The following CSMD1 variants were observed in gnomAD, a reference collection of about 807,000 sequenced individuals.
The protein encoded by CSMD1 is CUB and Sushi multiple domains 1, also known as CUB and sushi domain-containing protein 1.
A neutral mutation model predicts 417.5 loss-of-function variants in CSMD1; 213 were observed. The observed-to-expected ratio is 0.51, with a 90% CI of 0.46 to 0.57. The LOEUF is 0.57. Among genes scored for constraint, CSMD1 ranks in the 20% least tolerant of loss-of-function variants. The pLI, the probability that CSMD1 is intolerant of heterozygous loss-of-function variation, is 0.00. For synonymous variants in CSMD1, 2,862 were observed against 1,736.8 expected, an observed-to-expected ratio of 1.65 and a Z score of -16.11; for missense variants, 6,923 against 4,529.7, an observed-to-expected ratio of 1.53 and a Z score of -15.17.
At chr8:4,559,625 C>G (rs1476059754) in intron 2 of CSMD1, among the ~76,000 whole-genome samples, 1 of 152,186 alleles carries the variant, frequency 6.6e-6, no homozygotes, top group Non-Finnish European at 1.5e-5. Context: ...CCTCTATAAC[C>G]AAGCATATAA....
At chr8:4,855,166 C>T (rs911615405) in intron 1 of CSMD1, among the ~76,000 whole-genome samples, 1 of 150,584 alleles carries the variant, frequency 6.6e-6, no homozygotes, top group African/African-American at 2.4e-5. Flanking sequence ...TGACACCTCA[C>T]ACGGCAGGGT....
At chr8:3,859,189 T>C (rs1328510093) in intron 5 of CSMD1, among the ~76,000 whole-genome samples, 3 of 152,182 alleles carry the variant, frequency 2.0e-5, no homozygotes, top group Non-Finnish European at 4.4e-5. Context: ...TCTCTAAATA[T>C]GTGCGTAGCA....
intron 3 of CSMD1, among the ~76,000 whole-genome samples, chr8:4,090,285 G>C (rs1038314583): frequency 1.4e-4 from 22 of 152,228 alleles, no homozygotes; most frequent in African/African-American, 5.3e-4. Context: ...TCTAATTAAG[G>C]AAAGTTAAAG....
chr8:4,103,887 T>A (rs375366895), intron 3 of CSMD1, among the ~76,000 whole-genome samples: 5 of 152,338 alleles, frequency 3.3e-5, no homozygotes, highest in African/African-American at 1.2e-4. Context: ...AGTTAATATT[T>A]GTTCTCTCCA....
chr8:3,465,582 C>T (rs958027936), intron 12 of CSMD1, among the ~76,000 whole-genome samples: 4 of 152,168 alleles, frequency 2.6e-5, no homozygotes, highest in East Asian at 1.9e-4. Context: ...TAGCAGAGAC[C>T]GTGAACATCT....
chr8:3,095,085 T>C (rs1049527397), intron 47 of CSMD1, among the ~76,000 whole-genome samples: 33 of 152,152 alleles, frequency 2.2e-4, no homozygotes, highest in Non-Finnish European at 2.9e-5. Context: ...GTGCATAAAT[T>C]ATTGATAAAT....
At chr8:4,110,636 A>AT (rs61146043) in intron 3 of CSMD1, among the ~76,000 whole-genome samples, 150,508 of 152,160 alleles carry the variant, frequency 0.99, 74,465 homozygotes, top group East Asian at 1. Context: ...TGATATATAC[A>AT]GGTGTGTGTG....
At chr8:4,573,960 G>C (rs542164545) in intron 2 of CSMD1, among the ~76,000 whole-genome samples, 1 of 152,276 alleles carries the variant, frequency 6.6e-6, no homozygotes, top group South Asian at 2.1e-4. Flanking sequence ...AGTAATGGCA[G>C]ACATCCCTCT....
chr8:3,998,366 G>A (rs1295088733), intron 4 of CSMD1, among the ~76,000 whole-genome samples: 1 of 152,174 alleles, frequency 6.6e-6, no homozygotes, highest in African/African-American at 2.4e-5. Flanking sequence ...CTGAAACATG[G>A]AAAGTGTAGT....
chr8:3,468,586 T>A (rs1406292455), intron 12 of CSMD1, 126 bp downstream of exon 12: 1 of 599,888 alleles, frequency 1.7e-6, no homozygotes, highest in African/African-American at 1.9e-5. Context: ...GAAGTTCCCG[T>A]CATGATTCCT....
At chr8:4,699,960 G>A (rs187492730) in intron 1 of CSMD1, among the ~76,000 whole-genome samples, 2 of 152,142 alleles carry the variant, frequency 1.3e-5, no homozygotes, top group African/African-American at 2.4e-5. Context: ...AGACAGGCTT[G>A]GATTCTGTAA....
At chr8:3,307,623 CACTATCTCTGCT>C in intron 25 of CSMD1, 60 bp downstream of exon 25, 1 of 1,473,630 alleles carries the variant, frequency 6.8e-7, no homozygotes, top group Non-Finnish European at 9.3e-7. Context: ...TTTGGTGTAC[CACTATCTCTGCT>C]ACAAGAATAG....
At chr8:3,138,604 C>T (rs1001138374) in intron 41 of CSMD1, among the ~76,000 whole-genome samples, 1 of 152,190 alleles carries the variant, frequency 6.6e-6, no homozygotes, top group Non-Finnish European at 1.5e-5. Context: ...TTGCCTCCTG[C>T]AGGGTATTAC....
intron 5 of CSMD1, among the ~76,000 whole-genome samples, chr8:3,959,543 A>G (rs2554508): frequency 0.64 from 97,069 of 151,924 alleles, 31,379 homozygotes; most frequent in East Asian, 0.93. Context: ...AAGAAAGAAA[A>G]GAGAGACAAA....
At chr8:3,971,238 C>T (rs1813066663) in intron 5 of CSMD1, among the ~76,000 whole-genome samples, 2 of 152,240 alleles carry the variant, frequency 1.3e-5, no homozygotes, top group South Asian at 4.2e-4. Context: ...AGACCATGCG[C>T]ACTTCTGCCT....
intron 10 of CSMD1, among the ~76,000 whole-genome samples, chr8:3,538,726 G>A (rs969887887): frequency 1.3e-5 from 2 of 152,158 alleles, no homozygotes; most frequent in Non-Finnish European, 2.9e-5. Flanking sequence ...TCCGTCACGT[G>A]CACTTGCGAT....
chr8:4,183,889 G>C (rs1260694777), intron 3 of CSMD1, among the ~76,000 whole-genome samples: 1 of 152,122 alleles, frequency 6.6e-6, no homozygotes, highest in African/African-American at 2.4e-5. Flanking sequence ...GGGGCATGTG[G>C]ACAGTTTGGC....
intron 3 of CSMD1, among the ~76,000 whole-genome samples, chr8:4,137,360 G>C (rs972238257): frequency 1.3e-5 from 1 of 77,402 alleles, no homozygotes; most frequent in Admixed American, 1.5e-4. Context: ...AATAGAGAAT[G>C]CAAACTTCTT....
rs146107463 is a variant in CSMD1, at chr8:3,594,097, G to A, written c.1098-7837C>T. On this transcript the variant is annotated intron_variant, in intron 8 of 69. Coordinates refer to ENST00000635120, the MANE Select transcript of CSMD1 (RefSeq NM_033225.6). Reference sequence around the variant, plus strand: ...CACCTCCAATATCTAATATTCTTCAGCATCTTGAAAACATTTAGCTGCTCC... The same window carrying A: ...CACCTCCAATATCTAATATTCTTCAACATCTTGAAAACATTTAGCTGCTCC... Among the ~76,000 whole-genome samples the A allele has an allele frequency of 4.5e-4, 68 of 152,264 alleles. No homozygotes were observed. The East Asian group carries it at 0.011, about 26-fold the overall frequency.
Sources: gnomAD v4.1 joint callset for allele counts (sites outside exome capture counted in the v4.1 genomes callset) on GRCh38, gnomAD v4.1.1 for gene constraint, MANE v1.5 for transcripts, NCBI Gene and HGNC (gene_info 2026-07-23, HGNC 2026-07-21) for gene names.